Variants in PRKCA observed in about 807,000 individuals in gnomAD.
PRKCA encodes protein kinase C alpha, also known as protein kinase C alpha type.
In PRKCA, 27 loss-of-function variants were observed where a neutral mutation model predicts 87.0. That is an observed-to-expected ratio of 0.31 (90% confidence interval 0.23 to 0.43). PRKCA has a LOEUF of 0.43. PRKCA is among the 20% of genes least tolerant of loss of function. The pLI is 1.00. For synonymous variants in PRKCA, 329 were observed against 311.1 expected, an observed-to-expected ratio of 1.06 and a Z score of -0.61; for missense variants, 518 against 852.3, an observed-to-expected ratio of 0.61 and a Z score of 4.88.
chr17:66,711,357 T>C (rs1973323053), intron 8 of PRKCA, among the ~76,000 whole-genome samples: 1 of 152,246 alleles, frequency 6.6e-6, no homozygotes, highest in Admixed American at 6.5e-5. Context: ...TGAAATCCTG[T>C]AATTGTTCTG....
At chr17:66,442,773 C>T (rs965474136) in intron 2 of PRKCA, among the ~76,000 whole-genome samples, 4 of 152,228 alleles carry the variant, frequency 2.6e-5, no homozygotes, top group African/African-American at 9.6e-5. Flanking sequence ...CATGTAAGTA[C>T]TCATTTGTCA....
At chr17:66,755,661 TAC>T (rs1175275765) in intron 13 of PRKCA, among the ~76,000 whole-genome samples, 5 of 152,204 alleles carry the variant, frequency 3.3e-5, no homozygotes, top group African/African-American at 1.2e-4. Flanking sequence ...GCCAGTATTG[TAC>T]AGTTCTTTTC....
intron 8 of PRKCA, among the ~76,000 whole-genome samples, chr17:66,728,367 G>A (rs1193806128): frequency 6.6e-6 from 1 of 152,168 alleles, no homozygotes; most frequent in Non-Finnish European, 1.5e-5. Flanking sequence ...ACAGCTGCCT[G>A]TTCTACCAGC....
At chr17:66,332,409 G>A (rs570170173) in intron 2 of PRKCA, among the ~76,000 whole-genome samples, 6 of 151,896 alleles carry the variant, frequency 4.0e-5, no homozygotes, top group South Asian at 4.2e-4. Flanking sequence ...TGTATTTTTA[G>A]TAGAGACAGG....
At chr17:66,362,095 G>T (rs1908422118) in intron 2 of PRKCA, among the ~76,000 whole-genome samples, 1 of 152,198 alleles carries the variant, frequency 6.6e-6, no homozygotes, top group South Asian at 2.1e-4. Flanking sequence ...GAGTGCAGTG[G>T]CACCATCTTG....
rs185663504 is a variant in PRKCA, at chr17:66,741,513, C to T, written c.1323-146C>T. The stretch of plus-strand genomic sequence containing the variant: ...GAGGACGAAGTGATGGAGGGAGGAC[C>T]GGGGGTTGGAAGAACACGATGCTGG... On this transcript the variant is annotated intron_variant, in intron 11 of 16. Coordinates refer to ENST00000413366, the MANE Select transcript of PRKCA (RefSeq NM_002737.3). The T allele has an allele frequency of 2.6e-3, 1,831 of 714,404 alleles. 4 individuals carry two copies. Among genetic ancestry groups the T allele is most frequent in the Non-Finnish European group, 3.5e-3 (1,502 of 429,512 alleles). The allele number at this position is 714,404 out of a possible 1,614,324, so 44.3% of individuals were successfully genotyped here.
intron 3 of PRKCA, among the ~76,000 whole-genome samples, chr17:66,637,147 C>T (rs978984341): frequency 2.6e-5 from 4 of 152,074 alleles, no homozygotes; most frequent in Non-Finnish European, 4.4e-5. Context: ...CGTGAGTAAG[C>T]CTTAGGTTTT....
intron 3 of PRKCA, among the ~76,000 whole-genome samples, chr17:66,556,386 G>T (rs1968495872): frequency 7.1e-6 from 1 of 140,692 alleles, no homozygotes; most frequent in African/African-American, 2.7e-5. Context: ...CAACAGCTAT[G>T]CAATTTCATT....
intron 3 of PRKCA, among the ~76,000 whole-genome samples, chr17:66,510,099 G>A (rs1917158581): frequency 6.6e-6 from 1 of 152,110 alleles, no homozygotes; most frequent in East Asian, 1.9e-4. Context: ...AGAGGGATGA[G>A]GAAGGGGCTT....
At chr17:66,367,174 G>A (rs1246579170) in intron 2 of PRKCA, among the ~76,000 whole-genome samples, 2 of 152,222 alleles carry the variant, frequency 1.3e-5, no homozygotes, top group South Asian at 4.1e-4. Context: ...ACCATGGTGA[G>A]TTCACAAAAT....
In PRKCA at chr17:66,594,612, T is replaced by G. The variant is rs79197452; in HGVS notation, c.289-46743T>G. Among the ~76,000 whole-genome samples the G allele has an allele frequency of 7.5e-3, 531 of 70,680 alleles. 2 individuals are homozygous for G. The highest frequency in any genetic ancestry group is 0.047 in the African/African-American group (474 of 10,154). The allele number at this position is 70,680 out of a possible 152,430, so 46.4% of individuals were successfully genotyped here. A position where few individuals can be genotyped will look rare whatever the true frequency, so the allele number is the denominator to read the frequency against. ...ATCATCTTCATGTGCAACATGTGGG[T>G]TTTTTTTTAATTTATTTGTTTGTTT... On this transcript the variant is annotated intron_variant, in intron 3 of 16. Coordinates refer to ENST00000413366, the MANE Select transcript of PRKCA (RefSeq NM_002737.3).
At chr17:66,540,012 GGCCACCC>G (rs1474246995) in intron 3 of PRKCA, among the ~76,000 whole-genome samples, 2 of 152,202 alleles carry the variant, frequency 1.3e-5, no homozygotes, top group Non-Finnish European at 2.9e-5. Context: ...TAAACATGTA[GGCCACCC>G]GTCTTTTGGA....
chr17:66,512,521 C>T (rs1298154108), intron 3 of PRKCA, among the ~76,000 whole-genome samples: 2 of 150,918 alleles, frequency 1.3e-5, no homozygotes, highest in African/African-American at 4.9e-5. Context: ...TCCACAAGGC[C>T]CATCATGATT....
chr17:66,803,432 A>C lies in PRKCA; in HGVS notation c.1855-441A>C, dbSNP rs1056030390. 1.3e-4 allele frequency among the ~76,000 whole-genome samples: 20 copies of C among 152,206 alleles called. No individual in the cohort carries two copies. The highest frequency in any genetic ancestry group is 4.3e-4 in the African/African-American group (18 of 41,448). ...TCACTACAAATATTGCGGCAAAAAAACAGATGTGGGGCAGTAACTCACCCC... is the reference window on the plus strand; with the variant it reads ...TCACTACAAATATTGCGGCAAAAAACCAGATGTGGGGCAGTAACTCACCCC... On this transcript the variant is annotated intron_variant, in intron 16 of 16. Transcript: ENST00000413366. This position sits in a 1 kb window ranked among gnomAD's most constrained non-coding sequence, Gnocchi z 4.4.
chr17:66,768,185 C>A (rs1347037455), intron 13 of PRKCA, among the ~76,000 whole-genome samples: 1 of 151,696 alleles, frequency 6.6e-6, no homozygotes, highest in Admixed American at 6.6e-5. Context: ...CTCAAGTGAT[C>A]CGCCCGCCTG....
intron 2 of PRKCA, among the ~76,000 whole-genome samples, chr17:66,429,306 T>G (rs1380196669): frequency 6.6e-6 from 1 of 152,218 alleles, no homozygotes; most frequent in East Asian, 1.9e-4. Flanking sequence ...AACTTAGCTT[T>G]AATATCGTTG....
chr17:66,764,347 T>C (rs868376001), intron 13 of PRKCA, among the ~76,000 whole-genome samples: 42 of 152,194 alleles, frequency 2.8e-4, no homozygotes, highest in African/African-American at 7.5e-4. Context: ...CCATCCTCTC[T>C]GGGAGGCATT....
chr17:66,694,696 C>G (rs2144063451), intron 8 of PRKCA, among the ~76,000 whole-genome samples: 1 of 143,440 alleles, frequency 7.0e-6, no homozygotes, highest in Non-Finnish European at 1.5e-5. Flanking sequence ...TTTACAAAAT[C>G]TGGGATCTGA....
intron 13 of PRKCA, among the ~76,000 whole-genome samples, chr17:66,760,728 T>G (rs1431663240): frequency 6.6e-6 from 1 of 152,198 alleles, no homozygotes; most frequent in Non-Finnish European, 1.5e-5. Flanking sequence ...TAAAGGATGA[T>G]AAACAAACAC....
Sources: gnomAD v4.1 joint callset for allele counts (sites outside exome capture counted in the v4.1 genomes callset) on GRCh38, gnomAD v4.1.1 for gene constraint, Gnocchi (gnomAD v3.1) non-coding constraint, MANE v1.5 for transcripts, NCBI Gene and HGNC (gene_info 2026-07-23, HGNC 2026-07-21) for gene names.